The following DCDC2B variants were observed in gnomAD, a reference collection of about 807,000 sequenced individuals.
DCDC2B encodes doublecortin domain-containing protein 2B.
Under a neutral mutation model 38.9 loss-of-function variants are expected in DCDC2B, and 41 were observed. That is an observed-to-expected ratio of 1.05 (90% confidence interval 0.82 to 1.37). The LOEUF (loss-of-function observed/expected upper bound fraction) is 1.37. Among genes scored for constraint, DCDC2B ranks in the 40% most tolerant of loss-of-function variants. The pLI is 0.00. For synonymous variants in DCDC2B, 181 were observed against 171.9 expected (o/e 1.05, Z -0.41); for missense variants, 453 against 427.2 (o/e 1.06, Z -0.53).
intron 2 of DCDC2B, 86 bp from the exon 3 acceptor site, chr1:32,211,675 G>A (rs963109835): frequency 1.3e-5 from 18 of 1,406,352 alleles, no homozygotes; most frequent in African/African-American, 2.9e-5. Flanking sequence ...GTCTGGTTCC[G>A]GCCCCCTCAC....
intron 6 of DCDC2B, among the ~76,000 whole-genome samples, chr1:32,213,982 T>A (rs924637543): frequency 6.6e-6 from 1 of 151,498 alleles, no homozygotes; most frequent in Non-Finnish European, 1.5e-5. Flanking sequence ...AGAAAGATTA[T>A]CCCCATTTTC....
chr1:32,214,127 T>G (rs867394181), intron 6 of DCDC2B, among the ~76,000 whole-genome samples: 1 of 151,480 alleles, frequency 6.6e-6, no homozygotes, highest in Non-Finnish European at 1.5e-5. Context: ...CTGGCCAACA[T>G]GGTAAAACCC....
intron 2 of DCDC2B, 32 bp downstream of exon 2, chr1:32,211,355 T>C (rs1244864626): frequency 4.3e-6 from 7 of 1,611,740 alleles, no homozygotes; most frequent in Non-Finnish European, 5.9e-6. Flanking sequence ...CCCCAGCCCC[T>C]CTGTCTTCCC....
chr1:32,211,953 C>A, intron 3 of DCDC2B, 116 bp downstream of exon 3: 1 of 1,535,280 alleles, frequency 6.5e-7, no homozygotes, highest in Non-Finnish European at 8.8e-7. Context: ...AGAAGTCCAG[C>A]ATGCTTGATG....
At chr1:32,214,312 CAAAAAAAAAAAAAA>C (rs58837364) in intron 6 of DCDC2B, among the ~76,000 whole-genome samples, 1 of 51,956 alleles carries the variant, frequency 1.9e-5, no homozygotes, top group African/African-American at 6.1e-5. Context: ...ACTCAAGTCT[CAAAAAAAAAAAAAA>C]AAAAAAAAAA....
chr1:32,212,383 A>G, intron 4 of DCDC2B, 107 bp from the exon 5 acceptor site: 1 of 1,538,198 alleles, frequency 6.5e-7, no homozygotes, highest in Non-Finnish European at 8.8e-7. Flanking sequence ...CTGGGTGCCT[A>G]GAGGCCAGAG....
rs1311432351 is a variant in DCDC2B at position 32,215,782 on chromosome 1, T to C, written c.955-20T>C. ...GCCATACTCACGGCTCCATTCTGTA[T>C]GGCCTTCCACCTCCTGCAGAGGGCA... On this transcript the variant is annotated intron_variant, in intron 8 of 8. Transcript: ENST00000409358. 4 of 1,537,344 alleles carry C rather than the reference T, an allele frequency of 2.6e-6. No individual in the cohort carries two copies. The highest frequency in any genetic ancestry group is 2.0e-5 in the Admixed American group (1 of 49,320).
chr1:32,216,014 G>A lies in DCDC2B; in HGVS notation c.*117G>A. 1.1e-6 allele frequency: 1 copy of A among 898,614 alleles called. No individual in the cohort carries two copies. Among genetic ancestry groups the A allele is most frequent in the Non-Finnish European group, 1.7e-6 (1 of 573,628 alleles). The allele number at this position is 898,614 out of a possible 1,614,324, so 55.7% of individuals were successfully genotyped here. A position where few individuals can be genotyped will look rare whatever the true frequency, so the allele number is the denominator to read the frequency against. ...CTCCGCTGGGCTCACAGGGTACACT[G>A]CGGCCTCCTCAGCCCTCCCCGTTCT... On this transcript the variant is annotated 3_prime_UTR_variant, in exon 9 of 9. Transcript: ENST00000409358.
chr1:32,212,188 G>A lies in DCDC2B; in HGVS notation c.514G>A (p.Gly172Arg). Residue 172 changes from glycine to arginine, a missense_variant, in exon 4 of 9, where the codon GGG (glycine) becomes AGG (arginine). Gly to Arg is a moderately radical substitution (Grantham distance 125). Coordinates refer to ENST00000409358, the MANE Select transcript of DCDC2B (RefSeq NM_001099434.2). Reference protein sequence around the residue: ...LLTEKVKLQSGAVCKLCTLEG... With the variant: ...LLTEKVKLQSRAVCKLCTLEG... ...GACTGAGAAGGTCAAGTTGCAGAGT[G>A]GGGCTGTGTGCAAGTGAGTATGGGG... is the stretch of plus-strand genomic sequence containing the variant. The A allele has an allele frequency of 1.2e-6, 2 of 1,613,390 alleles. No individual in the cohort carries two copies. Among genetic ancestry groups the A allele is most frequent in the Non-Finnish European group, 1.7e-6 (2 of 1,179,860 alleles).
At position 32,212,068 on chromosome 1, in the gene DCDC2B, A is replaced by T. The variant is rs751913570; in HGVS notation, c.396-2A>T. The stretch of plus-strand genomic sequence containing the variant: ...TCCCCCTTACCAGGCTTTTTGTCTC[A>T]GTGTGTTCAGGAATGGGGACCTGGT... On this transcript the variant is annotated splice_acceptor_variant, in intron 3 of 8. Coordinates refer to ENST00000409358, the MANE Select transcript of DCDC2B (RefSeq NM_001099434.2). LOFTEE classifies it high-confidence loss of function. The T allele has an allele frequency of 1.2e-6, 2 of 1,610,420 alleles. No homozygotes were observed. The highest frequency in any genetic ancestry group is 1.7e-6 in the Non-Finnish European group (2 of 1,177,352).
At position 32,216,009 on chromosome 1, in the gene DCDC2B, A is replaced by G; in HGVS notation, c.*112A>G. 2 of 929,546 alleles carry G rather than the reference A, an allele frequency of 2.2e-6. No individual in the cohort carries two copies. The highest frequency in any genetic ancestry group is 3.3e-6 in the Non-Finnish European group (2 of 598,670). 57.6% of individuals were successfully genotyped at this position (929,546 alleles called of 1,614,324 possible). A position where few individuals can be genotyped will look rare whatever the true frequency, so the allele number is the denominator to read the frequency against. ...AGCACCTCCGCTGGGCTCACAGGGT[A>G]CACTGCGGCCTCCTCAGCCCTCCCC... On this transcript the variant is annotated 3_prime_UTR_variant, in exon 9 of 9. Transcript: ENST00000409358.
chr1:32,211,629 A>C, intron 2 of DCDC2B, 132 bp from the exon 3 acceptor site: 1 of 870,860 alleles, frequency 1.1e-6, no homozygotes, highest in Admixed American at 2.3e-5. Flanking sequence ...GAAAGGTGTA[A>C]ACTGTCTTAC....
In DCDC2B at chr1:32,211,870, ATGTT is replaced by A. The variant is rs763981247; in HGVS notation, c.395+39_395+42del. 15 of 1,586,074 alleles carry A rather than the reference ATGTT, an allele frequency of 9.5e-6. No individual in the cohort carries two copies. In the East Asian group the frequency reaches 3.0e-4, roughly 32 times the overall value. ...CCAGTGTGAGGGAGCAGGGGTGTTG[ATGTT>A]TGTTTTAGTAAGGCCAAGAAAATGG... On this transcript the variant is annotated intron_variant, in intron 3 of 8. Coordinates refer to ENST00000409358, the MANE Select transcript of DCDC2B (RefSeq NM_001099434.2).
At chr1:32,210,326 A>T (rs1270974191) in intron 1 of DCDC2B, among the ~76,000 whole-genome samples, 2 of 101,712 alleles carry the variant, frequency 2.0e-5, no homozygotes, top group East Asian at 6.2e-4. Flanking sequence ...AACTCCATCT[A>T]AAAAAAAAAA....
At chr1:32,215,570 T>C in intron 8 of DCDC2B, 27 bp downstream of exon 8, 1 of 1,604,448 alleles carries the variant, frequency 6.2e-7, no homozygotes, top group South Asian at 1.1e-5. Flanking sequence ...GGAAACAGTA[T>C]GTTGGGGTGG....
Position 32,212,163 on chromosome 1 carries a change from G to T in DCDC2B, c.489G>T (p.Leu163=). 2 of 1,613,768 alleles carry T rather than the reference G, an allele frequency of 1.2e-6. No individual in the cohort carries two copies. Among genetic ancestry groups the T allele is most frequent in the South Asian group, 2.2e-5 (2 of 91,026 alleles). The change falls in exon 4 of 9, where the codon CTG becomes CTT. Residue 163 remains leucine, a synonymous_variant. Coordinates refer to ENST00000409358, the MANE Select transcript of DCDC2B (RefSeq NM_001099434.2). Reference sequence around the variant, plus strand: ...ACTGGGAAACTGTGTTGAAGCTCCTGACTGAGAAGGTCAAGTTGCAGAGTG... The same window carrying T: ...ACTGGGAAACTGTGTTGAAGCTCCTTACTGAGAAGGTCAAGTTGCAGAGTG... ...SQDWETVLKL[L]TEKVKLQSGA...
At position 32,209,192 on chromosome 1, in the gene DCDC2B, C is replaced by T. The variant is rs749183467; in HGVS notation, c.99C>T (p.Phe33=). The T allele has an allele frequency of 2.6e-5, 42 of 1,613,900 alleles. No homozygotes were observed. In the Admixed American group the frequency reaches 6.8e-4, roughly 26 times the overall value. ...AGCTGGTGGTGACTCAACGCCGCTT[C>T]CCCACCATGGAGGCCTTCCTCTGCG... ...GSQLVVTQRR[F]PTMEAFLCEV... The change falls in exon 1 of 9, where the codon TTC becomes TTT. Residue 33 remains phenylalanine, a synonymous_variant. Transcript: ENST00000409358.
chr1:32,212,499 C>T lies in DCDC2B; in HGVS notation c.537C>T (p.Thr179=). The T allele has an allele frequency of 1.2e-6, 2 of 1,613,982 alleles. No homozygotes were observed. The highest frequency in any genetic ancestry group is 1.7e-6 in the Non-Finnish European group (2 of 1,179,860). Residue 179 remains threonine (T), a synonymous_variant, in exon 5 of 9, where the codon ACC becomes ACT. Transcript: ENST00000409358. Reference sequence around the variant, plus strand: ...CACCTCTCTCTCCCAGACTCTGCACCCTAGAGGGGCTCCCACTGTCAGCAG... The same window carrying T: ...CACCTCTCTCTCCCAGACTCTGCACTCTAGAGGGGCTCCCACTGTCAGCAG... ...LQSGAVCKLC[T]LEGLPLSAGK...
At position 32,214,843 on chromosome 1, in the gene DCDC2B, C is replaced by T. The variant is rs767654309; in HGVS notation, c.761C>T (p.Pro254Leu). Residue 254 changes from proline to leucine, a missense_variant, in exon 7 of 9, where the codon CCA (proline) becomes CTA (leucine). Physicochemically the swap from Pro to Leu is moderately conservative, Grantham distance 98. Coordinates refer to ENST00000409358, the MANE Select transcript of DCDC2B (RefSeq NM_001099434.2). ...AQVTQPSPKEPDRIKPSAFYA... is the reference protein window; with the variant it reads ...AQVTQPSPKELDRIKPSAFYA... ...GTAACCCAGCCCTCTCCAAAGGAAC[C>T]AGACCGAATTAAGCCATCTGCTTTC... 1.2e-6 allele frequency: 2 copies of T among 1,613,944 alleles called. No homozygotes were observed. Among genetic ancestry groups the T allele is most frequent in the Non-Finnish European group, 1.7e-6 (2 of 1,179,892 alleles).
Sources: allele counts gnomAD v4.1 joint callset (sites outside exome capture counted in the v4.1 genomes callset), GRCh38; gene constraint gnomAD v4.1.1; transcripts MANE v1.5; gene names NCBI Gene and HGNC (gene_info 2026-07-23, HGNC 2026-07-21).